SLC2A9: variants seen among roughly 807,000 people sequenced by gnomAD.
SLC2A9 encodes solute carrier family 2, facilitated glucose transporter member 9.
Under a neutral mutation model 50.6 loss-of-function variants are expected in SLC2A9, and 39 were observed. That is an observed-to-expected ratio of 0.77 (90% CI 0.60 to 1.01). The LOEUF (loss-of-function observed/expected upper bound fraction) is 1.01. Ranked by LOEUF, SLC2A9 falls within the 50% of genes least tolerant of loss-of-function variation. The pLI is 0.00. For missense variants in SLC2A9, 686 were observed against 677.6 expected, an observed-to-expected ratio of 1.01 and a Z score of -0.14; for synonymous variants, 324 against 276.9, an observed-to-expected ratio of 1.17 and a Z score of -1.69.
chr4:9,893,661 T>C (rs1737970477), intron 8 of SLC2A9, among the ~76,000 whole-genome samples: 1 of 151,712 alleles, frequency 6.6e-6, no homozygotes, highest in African/African-American at 2.4e-5. Flanking sequence ...ATGAGCTGGG[T>C]TTCATCAAAG....
intron 8 of SLC2A9, among the ~76,000 whole-genome samples, chr4:9,892,007 C>G (rs1215120421): frequency 6.6e-6 from 1 of 152,240 alleles, no homozygotes; most frequent in African/African-American, 2.4e-5. Flanking sequence ...GGTTTCTCCA[C>G]AATGGAACCC....
chr4:9,836,924 C>A (rs10939552), intron 10 of SLC2A9, among the ~76,000 whole-genome samples: 34,567 of 152,078 alleles, frequency 0.23, 4,032 homozygotes, highest in Admixed American at 0.29. Flanking sequence ...TGCACATACA[C>A]AATCACTTAG....
intron 3 of SLC2A9, among the ~76,000 whole-genome samples, chr4:9,811,399 C>T (rs1722876640): frequency 6.6e-6 from 1 of 152,194 alleles, no homozygotes; most frequent in Non-Finnish European, 1.5e-5. Flanking sequence ...CTTGAGAGGC[C>T]TTGCAGGTTC....
At chr4:9,827,893 C>A (rs1299566451) in intron 11 of SLC2A9, among the ~76,000 whole-genome samples, 1 of 152,184 alleles carries the variant, frequency 6.6e-6, no homozygotes, top group Non-Finnish European at 1.5e-5. Context: ...TTATGATGTG[C>A]CATTTAAGAT....
At chr4:9,853,905 T>C (rs1205839910) in intron 10 of SLC2A9, among the ~76,000 whole-genome samples, 2 of 152,094 alleles carry the variant, frequency 1.3e-5, no homozygotes, top group Admixed American at 1.3e-4. Context: ...TTTGGGTGAA[T>C]GATGAAATTA....
upstream of SLC2A9, among the ~76,000 whole-genome samples, chr4:10,026,202 G>T (rs1388438746): frequency 6.6e-6 from 1 of 152,158 alleles, no homozygotes; most frequent in African/African-American, 2.4e-5. Context: ...ATTTTTGAGT[G>T]CAGGGCTTCC....
chr4:9,799,646 G>A (rs988809469), intron 3 of SLC2A9, among the ~76,000 whole-genome samples: 16 of 146,984 alleles, frequency 1.1e-4, no homozygotes, highest in Non-Finnish European at 1.9e-4. Flanking sequence ...TCAGTCTTAC[G>A]TAAATGACTC....
At chr4:10,026,448 A>G (rs1763756349), upstream of SLC2A9, among the ~76,000 whole-genome samples, 1 of 152,190 alleles carries the variant, frequency 6.6e-6, no homozygotes, top group African/African-American at 2.4e-5. Flanking sequence ...CTACTGTGGG[A>G]AAAAGTTTGC....
intron 3 of SLC2A9, among the ~76,000 whole-genome samples, chr4:9,818,905 A>T (rs981058008): frequency 1.3e-5 from 2 of 151,750 alleles, no homozygotes; most frequent in Non-Finnish European, 2.9e-5. Context: ...GGTGGATCAC[A>T]AGGTCAGGAG....
At chr4:9,858,532 C>T (rs1289970642) in intron 10 of SLC2A9, among the ~76,000 whole-genome samples, 1 of 152,106 alleles carries the variant, frequency 6.6e-6, no homozygotes, top group African/African-American at 2.4e-5. Flanking sequence ...AGACACTATG[C>T]TGTTTACTTT....
rs13125029 is a variant in SLC2A9 at position 9,980,405 on chromosome 4, A to G, written c.681+187T>C. 0.51 allele frequency among the ~76,000 whole-genome samples: 77,535 copies of G among 152,112 alleles called. 21,628 individuals carry two copies. Among genetic ancestry groups the G allele is most frequent in the East Asian group, 0.89 (4,617 of 5,186 alleles). Reference sequence around the variant, plus strand: ...ACATTCTATAAGGTTTCAATTTGTTATGTATTCTTTATGTACTTAAAAAAA... The same window carrying G: ...ACATTCTATAAGGTTTCAATTTGTTGTGTATTCTTTATGTACTTAAAAAAA... On this transcript the variant is annotated intron_variant, in intron 5 of 11. Coordinates refer to ENST00000264784, the MANE Select transcript of SLC2A9 (RefSeq NM_020041.3).
chr4:10,017,079 C>A (rs918681242), intron 2 of SLC2A9, among the ~76,000 whole-genome samples: 2 of 152,224 alleles, frequency 1.3e-5, no homozygotes, highest in East Asian at 3.8e-4. Flanking sequence ...TCTACACATC[C>A]CTCATGACTC....
chr4:10,032,806 AT>A (rs138154765), intron 1 of SLC2A9, among the ~76,000 whole-genome samples: 24 of 152,286 alleles, frequency 1.6e-4, no homozygotes, highest in African/African-American at 5.8e-4. Flanking sequence ...TCCAGGAAGT[AT>A]CTTGTGGGAA....
At position 9,834,983 on chromosome 4, in the gene SLC2A9, A is replaced by G; in HGVS notation, c.1317T>C (p.Gly439=). Residue 439 remains glycine (G), a synonymous_variant, in exon 11 of 12, where the codon GGT becomes GGC. Coordinates refer to ENST00000264784, the MANE Select transcript of SLC2A9 (RefSeq NM_020041.3). ...GPGGIPFILT[G]EFFQQSQRPA... The stretch of plus-strand genomic sequence containing the variant: ...GCCGCTGAGATTGCTGGAAGAACTC[A>G]CCAGTCAAGATGAACGGGATGCCAC... 1 of 1,613,780 alleles carries G rather than the reference A, an allele frequency of 6.2e-7. No individual in the cohort carries two copies. The highest frequency in any genetic ancestry group is 8.5e-7 in the Non-Finnish European group (1 of 1,179,998).
At position 9,915,464 on chromosome 4, in the gene SLC2A9, G is replaced by A. The variant is rs760161961; in HGVS notation, c.1002+4921C>T. Among the ~76,000 whole-genome samples the A allele has an allele frequency of 3.0e-4, 46 of 152,220 alleles. No homozygotes were observed. The Middle Eastern group carries it at 0.01, about 34-fold the overall frequency. On this transcript the variant is annotated intron_variant, in intron 7 of 11. Coordinates refer to ENST00000264784, the MANE Select transcript of SLC2A9 (RefSeq NM_020041.3). Reference sequence around the variant, plus strand: ...TTGGTCAGGCTGATCTTGAACTCCCGACCTCAAGTGATCTGCCCACCCCAG... The same window carrying A: ...TTGGTCAGGCTGATCTTGAACTCCCAACCTCAAGTGATCTGCCCACCCCAG...
chr4:10,012,917 G>A (rs1017638139), intron 2 of SLC2A9, among the ~76,000 whole-genome samples: 40 of 152,154 alleles, frequency 2.6e-4, no homozygotes, highest in Non-Finnish European at 1.6e-4. Context: ...TCTAGATATA[G>A]TGGGTTTTGA....
intron 1 of SLC2A9, among the ~76,000 whole-genome samples, chr4:10,028,752 C>T (rs1763833854): frequency 6.6e-6 from 1 of 152,218 alleles, no homozygotes; most frequent in Non-Finnish European, 1.5e-5. Context: ...GGCATTAGGT[C>T]AGAGTGCTGC....
At chr4:9,904,217 T>C (rs1426178590) in intron 8 of SLC2A9, among the ~76,000 whole-genome samples, 3 of 152,160 alleles carry the variant, frequency 2.0e-5, no homozygotes, top group Non-Finnish European at 2.9e-5. Context: ...TCTTATAGTT[T>C]TGGAAATCAG....
intron 10 of SLC2A9, among the ~76,000 whole-genome samples, chr4:9,840,644 T>C (rs1022241015): frequency 1.3e-5 from 2 of 152,224 alleles, no homozygotes; most frequent in African/African-American, 4.8e-5. Context: ...AGATTGGGGC[T>C]ACTTGGGATA....
Sources: gnomAD v4.1 joint callset for allele counts (sites outside exome capture counted in the v4.1 genomes callset) on GRCh38, gnomAD v4.1.1 for gene constraint, MANE v1.5 for transcripts, NCBI Gene and HGNC (gene_info 2026-07-23, HGNC 2026-07-21) for gene names.